The following EYS variants were observed in gnomAD, a reference collection of about 807,000 sequenced individuals.
EYS encodes protein eyes shut homolog.
Under a neutral mutation model 282.1 loss-of-function variants are expected in EYS, and 250 were observed. The ratio of observed to expected loss-of-function variants is 0.89; its 90% CI spans 0.80 to 0.98. The LOEUF is 0.98. Among genes scored for constraint, EYS ranks in the 50% least tolerant of loss-of-function variants. EYS has a pLI of 0.00. For missense variants in EYS, 4,016 were observed against 3,709.0 expected (o/e 1.08, Z -2.15); for synonymous variants, 1,355 against 1,282.9 (o/e 1.06, Z -1.20).
intron 26 of EYS, among the ~76,000 whole-genome samples, chr6:64,516,294 T>G (rs1452722010): frequency 6.6e-6 from 1 of 151,340 alleles, no homozygotes; most frequent in South Asian, 2.1e-4. Flanking sequence ...GGACCTTTTT[T>G]GGAGAGTGGA....
rs762511752 is a variant in EYS, at chr6:63,720,650, A to C, written c.9381T>G (p.Ile3127Met). The change falls in exon 43 of 43, where the codon ATT becomes ATG. Residue 3127 changes from isoleucine (I) to methionine (M), a missense_variant. Coordinates refer to ENST00000503581, the MANE Select transcript of EYS (RefSeq NM_001142800.2). ...CATAAACATTGTATCCTTCTAATTT[A>C]ATTAGTTCAATGTTTTTTGGTTCCT... ...FFQEPKNIEL[I>M]KLEGYNVYDG... 15 of 1,531,968 alleles carry C rather than the reference A, an allele frequency of 9.8e-6. No individual in the cohort carries two copies. The highest frequency in any genetic ancestry group is 5.3e-6 in the Non-Finnish European group (6 of 1,137,722). 94.9% of individuals were successfully genotyped at this position (1,531,968 alleles called of 1,614,324 possible). A position where few individuals can be genotyped will look rare whatever the true frequency, so the allele number is the denominator to read the frequency against.
chr6:65,046,033 G>GT lies in EYS; in HGVS notation c.2137+11580dup, dbSNP rs1207820527. Among the ~76,000 whole-genome samples, 17 of 151,900 alleles carry GT rather than the reference G, an allele frequency of 1.1e-4. 2 individuals are homozygous for GT. The highest frequency in any genetic ancestry group is 3.6e-4 in the African/African-American group (15 of 41,478). The stretch of plus-strand genomic sequence containing the variant: ...TTCCTTTTGTCCCTCTTAAGCAACA[G>GT]TTTTTTTCTATATCAATAAAACTTC... On this transcript the variant is annotated intron_variant, in intron 13 of 42. Transcript: ENST00000503581.
intron 22 of EYS, among the ~76,000 whole-genome samples, chr6:64,695,385 T>C (rs1770538343): frequency 6.6e-6 from 1 of 152,076 alleles, no homozygotes; most frequent in Non-Finnish European, 1.5e-5. Flanking sequence ...TTGCGTGATC[T>C]TCTGCTACCT....
At position 65,649,432 on chromosome 6, in the gene EYS, A is replaced by G. The variant is rs150888400; in HGVS notation, c.-447-9540T>C. ...ATTTGTAATAACTGAAACTAAAAGA[A>G]GCTGATTACTAAGAATATAATGAAC... On this transcript the variant is annotated intron_variant, in intron 1 of 42. Transcript: ENST00000503581. Among the ~76,000 whole-genome samples the G allele has an allele frequency of 8.1e-4, 123 of 152,250 alleles. 1 individual carries two copies. In the East Asian group the frequency reaches 0.021, roughly 26 times the overall value.
intron 4 of EYS, among the ~76,000 whole-genome samples, chr6:65,490,968 T>C (rs1416975341): frequency 1.3e-5 from 2 of 152,092 alleles, no homozygotes; most frequent in Admixed American, 6.6e-5. Flanking sequence ...TTAATTTACA[T>C]AATATTTTAA....
chr6:64,830,097 C>T (rs1583201980), intron 19 of EYS, among the ~76,000 whole-genome samples: 1 of 151,870 alleles, frequency 6.6e-6, no homozygotes, highest in East Asian at 1.9e-4. Flanking sequence ...AAGGGCAGAG[C>T]CCTCATCAAT....
intron 12 of EYS, among the ~76,000 whole-genome samples, chr6:65,136,316 G>A (rs1055430535): frequency 6.6e-6 from 1 of 151,870 alleles, no homozygotes; most frequent in South Asian, 2.1e-4. Flanking sequence ...AAACTTTCTT[G>A]AAAATAACAA....
chr6:65,667,697 T>C (rs183152562), intron 1 of EYS, among the ~76,000 whole-genome samples: 7 of 152,038 alleles, frequency 4.6e-5, no homozygotes, highest in Admixed American at 3.9e-4. Flanking sequence ...GATTGCAAGA[T>C]TGCAAGCTCC....
At position 64,835,914 on chromosome 6, in the gene EYS, A is replaced by G. The variant is rs1026152967; in HGVS notation, c.2993-13092T>C. On this transcript the variant is annotated intron_variant, in intron 19 of 42. Coordinates refer to ENST00000503581, the MANE Select transcript of EYS (RefSeq NM_001142800.2). ...GTAAGACCTAAATTAAGATGATGAT[A>G]TTAGCAATAAAAATAAACGATGTAT... 4.0e-5 allele frequency among the ~76,000 whole-genome samples: 6 copies of G among 151,638 alleles called. 1 individual carries two copies. Among genetic ancestry groups the G allele is most frequent in the Non-Finnish European group, 7.4e-5 (5 of 67,738 alleles).
At chr6:64,895,939 G>A (rs1767446353) in intron 18 of EYS, among the ~76,000 whole-genome samples, 2 of 152,046 alleles carry the variant, frequency 1.3e-5, no homozygotes, top group African/African-American at 4.8e-5. Context: ...GATGAAACTT[G>A]CAAACCATAT....
At chr6:64,828,628 C>A (rs911591585) in intron 19 of EYS, among the ~76,000 whole-genome samples, 2 of 151,926 alleles carry the variant, frequency 1.3e-5, no homozygotes, top group African/African-American at 4.8e-5. Flanking sequence ...AACACCTGAC[C>A]ATGGGACATC....
intron 2 of EYS, among the ~76,000 whole-genome samples, chr6:65,502,727 G>T (rs753987461): frequency 6.6e-6 from 1 of 151,156 alleles, no homozygotes; most frequent in Non-Finnish European, 1.5e-5. Context: ...GATTTTTTTA[G>T]GACTATTGGT....
At chr6:65,096,727 G>A (rs1042206932) in intron 12 of EYS, among the ~76,000 whole-genome samples, 1 of 150,920 alleles carries the variant, frequency 6.6e-6, no homozygotes, top group African/African-American at 2.4e-5. Context: ...TAACAACTAT[G>A]CCAAGAATAT....
intron 35 of EYS, among the ~76,000 whole-genome samples, chr6:63,873,465 A>G (rs4034987): frequency 0.48 from 73,467 of 151,990 alleles, 18,782 homozygotes; most frequent in African/African-American, 0.63. Context: ...ATAAACATAC[A>G]TGTGCATGTG....
At chr6:64,429,517 G>C (rs927482043) in intron 28 of EYS, among the ~76,000 whole-genome samples, 1 of 152,176 alleles carries the variant, frequency 6.6e-6, no homozygotes, top group Non-Finnish European at 1.5e-5. Flanking sequence ...TGTAATCCCA[G>C]CTACTCGGGA....
intron 13 of EYS, among the ~76,000 whole-genome samples, chr6:65,020,687 T>C (rs1772224460): frequency 1.3e-5 from 2 of 152,142 alleles, no homozygotes; most frequent in Admixed American, 6.5e-5. Flanking sequence ...GTGTGGGGGC[T>C]CCAACCCCAC....
intron 1 of EYS, among the ~76,000 whole-genome samples, chr6:65,692,868 A>C (rs1165575516): frequency 6.7e-6 from 1 of 150,236 alleles, no homozygotes; most frequent in Admixed American, 6.7e-5. Flanking sequence ...TTCAACTCAT[A>C]GAGAAGGTTT....
At chr6:63,763,650 A>G (rs936218775) in intron 40 of EYS, among the ~76,000 whole-genome samples, 1 of 151,524 alleles carries the variant, frequency 6.6e-6, no homozygotes, top group African/African-American at 2.4e-5. Flanking sequence ...TCCTGCCACC[A>G]TGTTAGGAAG....
chr6:64,243,100 T>A (rs965910084), intron 30 of EYS, among the ~76,000 whole-genome samples: 1 of 149,280 alleles, frequency 6.7e-6, no homozygotes, highest in Non-Finnish European at 1.5e-5. Flanking sequence ...TGTAATATTT[T>A]TATTTGTATA....
Sources: gnomAD v4.1 joint callset for allele counts (sites outside exome capture counted in the v4.1 genomes callset) on GRCh38, gnomAD v4.1.1 for gene constraint, MANE v1.5 for transcripts, NCBI Gene and HGNC (gene_info 2026-07-23, HGNC 2026-07-21) for gene names.